SUGCT: variants seen among roughly 807,000 people sequenced by gnomAD.
The protein encoded by SUGCT is succinyl-CoA:glutarate-CoA transferase.
Under a neutral mutation model 55.0 loss-of-function variants are expected in SUGCT, and 41 were observed. The observed-to-expected ratio is 0.74, with a 90% CI of 0.58 to 0.97. The LOEUF is 0.97. Ranked by LOEUF, SUGCT falls within the 50% of genes least tolerant of loss-of-function variation. The probability of loss-of-function intolerance (pLI) is 0.00; values close to 1 mark genes in which losing one functional copy is unlikely to be tolerated. For synonymous variants in SUGCT, 187 were observed against 200.4 expected (o/e 0.93, Z 0.56); for missense variants, 568 against 547.8 (o/e 1.04, Z -0.37).
In SUGCT at chr7:40,591,808, A is replaced by G. The variant is rs548001143; in HGVS notation, c.1089+95422A>G. Among the ~76,000 whole-genome samples, 83 of 152,328 alleles carry G rather than the reference A, an allele frequency of 5.4e-4. 2 individuals are homozygous for G. In the South Asian group the frequency reaches 0.015, roughly 28 times the overall value. The stretch of plus-strand genomic sequence containing the variant: ...GATTGTTAGCATTTTTTAGCAATAA[A>G]ATATTTTTAAATTAAGATGTATTTT... On this transcript the variant is annotated intron_variant, in intron 12 of 13. Coordinates refer to ENST00000335693, the MANE Select transcript of SUGCT (RefSeq NM_001193313.2).
chr7:40,914,384 C>T, the SUGCT span, among the ~76,000 whole-genome samples: 21 of 151,662 alleles, frequency 1.4e-4, no homozygotes, highest in Non-Finnish European at 1.5e-4. Context: ...CCCACTAACT[C>T]GTCATCTAGC....
intron 12 of SUGCT, among the ~76,000 whole-genome samples, chr7:40,689,138 A>C (rs1784583163): frequency 6.6e-6 from 1 of 152,204 alleles, no homozygotes; most frequent in African/African-American, 2.4e-5. Context: ...ATGTTCAGAA[A>C]GCTGCAAACC....
At chr7:40,148,170 G>A (rs116987214) in intron 1 of SUGCT, among the ~76,000 whole-genome samples, 1 of 151,394 alleles carries the variant, frequency 6.6e-6, no homozygotes, top group Admixed American at 6.6e-5. Flanking sequence ...AGGTAATCGG[G>A]ATGAGTCAGG....
At chr7:40,664,967 G>C (rs888451084) in intron 12 of SUGCT, among the ~76,000 whole-genome samples, 22 of 140,874 alleles carry the variant, frequency 1.6e-4, no homozygotes, top group Non-Finnish European at 3.2e-4. Flanking sequence ...GAGACAGTGA[G>C]AGACTCTGTC....
At chr7:40,666,820 AG>A (rs1801667772) in intron 12 of SUGCT, among the ~76,000 whole-genome samples, 1 of 152,190 alleles carries the variant, frequency 6.6e-6, no homozygotes, top group Non-Finnish European at 1.5e-5. Context: ...ATATCAAGAA[AG>A]ATGTTAAAGT....
intron 11 of SUGCT, among the ~76,000 whole-genome samples, chr7:40,476,257 A>G (rs765940949): frequency 1.3e-5 from 2 of 152,186 alleles, no homozygotes; most frequent in Non-Finnish European, 2.9e-5. Flanking sequence ...CAGCTGTCAA[A>G]TGTCAGGCTC....
intron 7 of SUGCT, among the ~76,000 whole-genome samples, chr7:40,262,443 G>T (rs2058131852): frequency 1.4e-5 from 2 of 145,522 alleles, no homozygotes; most frequent in South Asian, 4.3e-4. Context: ...GAGGTCAGGA[G>T]ATCGAGACCA....
chr7:40,353,793 A>AT (rs1255868056), intron 9 of SUGCT, among the ~76,000 whole-genome samples: 1 of 152,098 alleles, frequency 6.6e-6, no homozygotes, highest in Non-Finnish European at 1.5e-5. Flanking sequence ...ATGTGTCTGA[A>AT]TTTTTTCATC....
chr7:41,031,168 C>T, the SUGCT span, among the ~76,000 whole-genome samples: 1 of 151,470 alleles, frequency 6.6e-6, no homozygotes, highest in Admixed American at 6.6e-5. Context: ...CACTATGTTA[C>T]CCAGGCTGGC....
chr7:40,142,534 A>G (rs1177300306), intron 1 of SUGCT, among the ~76,000 whole-genome samples: 1 of 152,242 alleles, frequency 6.6e-6, no homozygotes, highest in African/African-American at 2.4e-5. Context: ...GGTGTGACAC[A>G]GCACCTGACA....
chr7:40,918,605 T>C, the SUGCT span, among the ~76,000 whole-genome samples: 1 of 152,144 alleles, frequency 6.6e-6, no homozygotes, highest in Non-Finnish European at 1.5e-5. Context: ...TCAGACCTTA[T>C]AACCATTCTC....
chr7:40,908,146 A>G, the SUGCT span, among the ~76,000 whole-genome samples: 1 of 152,024 alleles, frequency 6.6e-6, no homozygotes, highest in Non-Finnish European at 1.5e-5. Context: ...TGGGAGGCTG[A>G]GGCAGGCGGA....
the SUGCT span, among the ~76,000 whole-genome samples, chr7:41,033,760 G>C: frequency 1.3e-5 from 2 of 152,064 alleles, no homozygotes; most frequent in Non-Finnish European, 2.9e-5. Flanking sequence ...TGACTCAGGG[G>C]GTTCCTGAGT....
chr7:40,623,195 A>G (rs1799357399), intron 12 of SUGCT, among the ~76,000 whole-genome samples: 1 of 152,000 alleles, frequency 6.6e-6, no homozygotes, highest in Non-Finnish European at 1.5e-5. Context: ...CTCTTTCTCC[A>G]TTTGCCCATC....
chr7:40,141,418 A>G (rs1187720406), intron 1 of SUGCT, among the ~76,000 whole-genome samples: 1 of 152,020 alleles, frequency 6.6e-6, no homozygotes, highest in East Asian at 1.9e-4. Flanking sequence ...ATGGATCACA[A>G]GGTTAGGAGT....
intron 7 of SUGCT, among the ~76,000 whole-genome samples, chr7:40,260,013 T>G (rs1791116279): frequency 1.3e-5 from 2 of 152,166 alleles, no homozygotes; most frequent in Non-Finnish European, 2.9e-5. Flanking sequence ...ATGTGGGATA[T>G]TTCATTTGTT....
intron 12 of SUGCT, among the ~76,000 whole-genome samples, chr7:40,598,743 C>T (rs1798150944): frequency 6.6e-6 from 1 of 152,174 alleles, no homozygotes; most frequent in South Asian, 2.1e-4. Flanking sequence ...AAGAAGGTGA[C>T]AGAAGATGGT....
chr7:40,362,594 A>G (rs1798210938), intron 9 of SUGCT, among the ~76,000 whole-genome samples: 1 of 152,200 alleles, frequency 6.6e-6, no homozygotes, highest in Admixed American at 6.5e-5. Context: ...TCTCTTTGAC[A>G]GTACTATATA....
At chr7:40,239,814 T>C (rs112017402) in intron 7 of SUGCT, among the ~76,000 whole-genome samples, 3 of 152,242 alleles carry the variant, frequency 2.0e-5, no homozygotes, top group Admixed American at 6.5e-5. Flanking sequence ...ATACTTTCCA[T>C]GTATTACATT....
Sources: gnomAD v4.1 joint callset for allele counts (sites outside exome capture counted in the v4.1 genomes callset) on GRCh38, gnomAD v4.1.1 for gene constraint, MANE v1.5 for transcripts, NCBI Gene and HGNC (gene_info 2026-07-23, HGNC 2026-07-21) for gene names.